The following DPYD variants were observed in gnomAD, a reference collection of about 807,000 sequenced individuals.
The protein encoded by DPYD is dihydropyrimidine dehydrogenase.
Under a neutral mutation model 116.2 loss-of-function variants are expected in DPYD, and 109 were observed. The observed-to-expected ratio is 0.94, with a 90% CI of 0.80 to 1.10. DPYD has a LOEUF of 1.10. DPYD is among the 50% of genes least tolerant of loss of function. The pLI is 0.00. For missense variants in DPYD, 1,302 were observed against 1,254.5 expected (o/e 1.04, Z -0.57); for synonymous variants, 440 against 432.0 (o/e 1.02, Z -0.23).
chr1:97,206,640 A>T (rs1359500301), intron 19 of DPYD, among the ~76,000 whole-genome samples: 9 of 11,378 alleles, frequency 7.9e-4, no homozygotes, highest in African/African-American at 5.4e-3. Flanking sequence ...GGGAGATTTT[A>T]TATATATATA....
intron 18 of DPYD, chr1:97,280,200 T>G (rs1665224094): frequency 6.7e-6 from 1 of 149,952 alleles, no homozygotes; most frequent in Admixed American, 6.6e-5. Flanking sequence ...CTCCAGACAT[T>G]TCAGAAGTCT....
chr1:97,735,685 CATAAATAAATAA>C lies in DPYD; in HGVS notation c.321+4695_321+4706del, dbSNP rs5776378. Among the ~76,000 whole-genome samples, 476 of 133,834 alleles carry C rather than the reference CATAAATAAATAA, an allele frequency of 3.6e-3. 1 individual carries two copies. Among genetic ancestry groups the C allele is most frequent in the Middle Eastern group, 7.2e-3 (2 of 276 alleles). The allele number at this position is 133,834 out of a possible 152,430, so 87.8% of individuals were successfully genotyped here. ...CCTGGGCGACAGAGCAAGACTCTGTCATAAATAAATAAATAAATAAATAAATAAATAAATAAA... is the reference window on the plus strand; with the variant it reads ...CCTGGGCGACAGAGCAAGACTCTGTCATAAATAAATAAATAAATAAATAAA... On this transcript the variant is annotated intron_variant, in intron 4 of 22. Coordinates refer to ENST00000370192, the MANE Select transcript of DPYD (RefSeq NM_000110.4).
At chr1:97,527,202 T>C (rs1027954538) in intron 12 of DPYD, among the ~76,000 whole-genome samples, 3 of 151,756 alleles carry the variant, frequency 2.0e-5, no homozygotes, top group Non-Finnish European at 2.9e-5. Context: ...TCTCAGCCTC[T>C]CGAGTAGCTG....
chr1:97,464,396 TA>T (rs2101832424), intron 13 of DPYD, among the ~76,000 whole-genome samples: 1 of 152,316 alleles, frequency 6.6e-6, no homozygotes, highest in South Asian at 2.1e-4. Context: ...AGCCAAATGC[TA>T]ATCCCAAAGA....
intron 10 of DPYD, among the ~76,000 whole-genome samples, chr1:97,584,063 C>G (rs1277296219): frequency 6.6e-6 from 1 of 152,198 alleles, no homozygotes; most frequent in Non-Finnish European, 1.5e-5. Context: ...TCTCCACATC[C>G]TCTCCAGCAC....
intron 14 of DPYD, among the ~76,000 whole-genome samples, chr1:97,412,978 T>A (rs536884062): frequency 6.6e-6 from 1 of 152,314 alleles, no homozygotes; most frequent in South Asian, 2.1e-4. Context: ...TGTCCCCACA[T>A]GTCTCATAAA....
At position 97,229,861 on chromosome 1, in the gene DPYD, T is replaced by C. The variant is rs563015608; in HGVS notation, c.2442+4991A>G. On this transcript the variant is annotated intron_variant, in intron 19 of 22. Coordinates refer to ENST00000370192, the MANE Select transcript of DPYD (RefSeq NM_000110.4). ...AACCAATATTTTAATAGCCAGAAAGTCTCTGGGCTATTCCCAGCTAGAGCT... is the reference window on the plus strand; with the variant it reads ...AACCAATATTTTAATAGCCAGAAAGCCTCTGGGCTATTCCCAGCTAGAGCT... Among the ~76,000 whole-genome samples, 12 of 152,228 alleles carry C rather than the reference T, an allele frequency of 7.9e-5. No homozygotes were observed. In the East Asian group the frequency reaches 2.3e-3, roughly 29 times the overall value.
intron 18 of DPYD, among the ~76,000 whole-genome samples, chr1:97,296,580 G>A (rs887934441): frequency 2.6e-5 from 4 of 151,886 alleles, no homozygotes; most frequent in Non-Finnish European, 5.9e-5. Flanking sequence ...CAATATTTAT[G>A]ATATATTCAT....
intron 2 of DPYD, among the ~76,000 whole-genome samples, chr1:97,830,517 T>C (rs1159278107): frequency 1.3e-5 from 2 of 152,028 alleles, no homozygotes; most frequent in East Asian, 3.9e-4. Context: ...ATGGAGACCA[T>C]CCTGGCCAAC....
intron 15 of DPYD, among the ~76,000 whole-genome samples, chr1:97,380,014 C>T (rs919119723): frequency 2.0e-4 from 30 of 152,342 alleles, no homozygotes; most frequent in African/African-American, 7.0e-4. Context: ...CTTTTCTCCT[C>T]AGTCTTTCTG....
At chr1:97,339,300 C>T (rs1669469075) in intron 16 of DPYD, among the ~76,000 whole-genome samples, 1 of 151,982 alleles carries the variant, frequency 6.6e-6, no homozygotes, top group Admixed American at 6.6e-5. Context: ...AAGGCTTGTG[C>T]CTTTTGACTG....
intron 16 of DPYD, among the ~76,000 whole-genome samples, chr1:97,357,960 G>T (rs1195552392): frequency 6.6e-6 from 1 of 152,152 alleles, no homozygotes; most frequent in Non-Finnish European, 1.5e-5. Flanking sequence ...TTGGACAGTG[G>T]GTGCAGCCCA....
intron 20 of DPYD, among the ~76,000 whole-genome samples, chr1:97,154,702 A>G (rs1655308678): frequency 2.1e-5 from 2 of 97,556 alleles, no homozygotes. Context: ...GTGAGACTCC[A>G]TCTCAAAAAA....
At chr1:97,224,427 T>A (rs555286532) in intron 19 of DPYD, among the ~76,000 whole-genome samples, 1 of 152,178 alleles carries the variant, frequency 6.6e-6, no homozygotes, top group East Asian at 1.9e-4. Context: ...GATGTTTTGT[T>A]ATACATATAC....
intron 1 of DPYD, among the ~76,000 whole-genome samples, chr1:97,919,037 A>C (rs1002279303): frequency 2.6e-5 from 4 of 152,220 alleles, no homozygotes; most frequent in Non-Finnish European, 4.4e-5. Flanking sequence ...CAACTGAGGC[A>C]TTTATGCTTG....
chr1:97,900,144 T>G (rs1276889078), intron 1 of DPYD, among the ~76,000 whole-genome samples: 2 of 151,914 alleles, frequency 1.3e-5, no homozygotes, highest in Admixed American at 6.6e-5. Context: ...ACCTTGTTTT[T>G]CCTGTTCTTC....
At chr1:97,515,651 A>T in intron 13 of DPYD, 75 bp downstream of exon 13, 2 of 1,327,242 alleles carry the variant, frequency 1.5e-6, no homozygotes, top group Non-Finnish European at 2.1e-6. Flanking sequence ...AGTAAAAAAA[A>T]TCCATTATAA....
chr1:97,335,812 T>C (rs1669256723), intron 16 of DPYD, among the ~76,000 whole-genome samples: 1 of 152,184 alleles, frequency 6.6e-6, no homozygotes, highest in African/African-American at 2.4e-5. Flanking sequence ...ACCTGCCTTT[T>C]GAAAGCAAAG....
chr1:97,646,655 C>T (rs1658279682), intron 8 of DPYD, among the ~76,000 whole-genome samples: 1 of 151,894 alleles, frequency 6.6e-6, no homozygotes, highest in South Asian at 2.1e-4. Context: ...TTAATTGCCT[C>T]TTTTCCATAA....
Sources: allele counts gnomAD v4.1 joint callset (sites outside exome capture counted in the v4.1 genomes callset), GRCh38; gene constraint gnomAD v4.1.1; transcripts MANE v1.5; gene names NCBI Gene and HGNC (gene_info 2026-07-23, HGNC 2026-07-21).